EVA1C: variants seen among roughly 807,000 people sequenced by gnomAD.
EVA1C encodes eva-1 homolog C.
Under a neutral mutation model 45.4 loss-of-function variants are expected in EVA1C, and 25 were observed. The observed-to-expected ratio is 0.55, with a 90% CI of 0.40 to 0.77. EVA1C has a LOEUF of 0.77. Ranked by LOEUF, EVA1C falls within the 30% of genes least tolerant of loss-of-function variation. The pLI is 0.00. For synonymous variants in EVA1C, 190 were observed against 221.2 expected, an observed-to-expected ratio of 0.86 and a Z score of 1.25; for missense variants, 479 against 554.8, an observed-to-expected ratio of 0.86 and a Z score of 1.37.
At position 32,474,897 on chromosome 21, in the gene EVA1C, C is replaced by T. The variant is rs901784668; in HGVS notation, c.634+7049C>T. Reference sequence around the variant, plus strand: ...ATTGTGTGAGCCAAACAAAACATGCCTCCAGGGCGCACCTGGGCCACAGGC... The same window carrying T: ...ATTGTGTGAGCCAAACAAAACATGCTTCCAGGGCGCACCTGGGCCACAGGC... On this transcript the variant is annotated intron_variant, in intron 4 of 7. Transcript: ENST00000300255. This position sits in a 1 kb window ranked among gnomAD's most constrained non-coding sequence, Gnocchi z 4.4. 6.6e-6 allele frequency among the ~76,000 whole-genome samples: 1 copy of T among 152,210 alleles called. No homozygotes were observed. Among genetic ancestry groups the T allele is most frequent in the African/African-American group, 2.4e-5 (1 of 41,442 alleles).
chr21:32,431,446 A>C (rs1381973552), intron 1 of EVA1C, among the ~76,000 whole-genome samples: 1 of 152,150 alleles, frequency 6.6e-6, no homozygotes, highest in African/African-American at 2.4e-5. Context: ...ATTATTCTGG[A>C]TTCACACTAG....
At position 32,468,011 on chromosome 21, in the gene EVA1C, T is replaced by C. The variant is rs1163475181; in HGVS notation, c.634+163T>C. On this transcript the variant is annotated intron_variant, in intron 4 of 7. Transcript: ENST00000300255. ...TAAGTTAATACTTAATAAACTCCCGTGTGTGTGTGTATGTATATATATATA... is the reference window on the plus strand; with the variant it reads ...TAAGTTAATACTTAATAAACTCCCGCGTGTGTGTGTATGTATATATATATA... The C allele has an allele frequency of 1.7e-5, 6 of 353,452 alleles. No individual in the cohort carries two copies. In the East Asian group the frequency reaches 2.9e-4, roughly 17 times the overall value. 21.9% of individuals were successfully genotyped at this position (353,452 alleles called of 1,614,324 possible).
chr21:32,447,956 C>T (rs770665998), intron 1 of EVA1C, among the ~76,000 whole-genome samples: 3 of 152,296 alleles, frequency 2.0e-5, no homozygotes, highest in East Asian at 1.9e-4. Flanking sequence ...CCGCCTGCCT[C>T]GGCCTCCCAA....
In EVA1C at chr21:32,495,384, A is replaced by G. The variant is rs2037317250; in HGVS notation, c.778+214A>G. ...TAAGCAATAGAATTTTCTTTGGTCAAAATTTGTGTAAAAGCACCTTTAGCA... is the reference window on the plus strand; with the variant it reads ...TAAGCAATAGAATTTTCTTTGGTCAGAATTTGTGTAAAAGCACCTTTAGCA... On this transcript the variant is annotated intron_variant, in intron 5 of 7. Coordinates refer to ENST00000300255, the MANE Select transcript of EVA1C (RefSeq NM_058187.5). Among the ~76,000 whole-genome samples the G allele has an allele frequency of 6.6e-6, 1 of 152,162 alleles. No individual in the cohort carries two copies. Among genetic ancestry groups the G allele is most frequent in the Non-Finnish European group, 1.5e-5 (1 of 68,034 alleles).
chr21:32,488,006 C>A (rs902358053), intron 4 of EVA1C, among the ~76,000 whole-genome samples: 1 of 152,092 alleles, frequency 6.6e-6, no homozygotes, highest in African/African-American at 2.4e-5. Flanking sequence ...TGGGACTGGG[C>A]CCTTAGCCTG....
At chr21:32,453,777 C>G (rs1280443410) in intron 2 of EVA1C, among the ~76,000 whole-genome samples, 1 of 152,168 alleles carries the variant, frequency 6.6e-6, no homozygotes, top group Non-Finnish European at 1.5e-5. Context: ...TAGGTTTACT[C>G]CTTACTTTAG....
intron 2 of EVA1C, among the ~76,000 whole-genome samples, chr21:32,456,473 G>C (rs757760578): frequency 9.9e-5 from 15 of 152,194 alleles, no homozygotes; most frequent in Non-Finnish European, 2.1e-4. Flanking sequence ...GCAGTCATCT[G>C]AAAGCTGCAC....
intron 4 of EVA1C, among the ~76,000 whole-genome samples, chr21:32,491,958 G>A (rs899155776): frequency 3.9e-5 from 6 of 152,218 alleles, no homozygotes; most frequent in Non-Finnish European, 7.3e-5. Flanking sequence ...CAGTGGTTTG[G>A]TAGTGGCAGG....
rs770516737 is a variant in EVA1C at position 32,495,141 on chromosome 21, A to G, written c.749A>G (p.Lys250Arg). The G allele has an allele frequency of 2.5e-6, 4 of 1,614,020 alleles. No homozygotes were observed. In the African/African-American group the frequency reaches 5.3e-5, roughly 22 times the overall value. The change falls in exon 5 of 8, where the codon AAA becomes AGA. Residue 250 changes from lysine to arginine, a missense_variant. Lys to Arg is a conservative substitution (Grantham distance 26). Transcript: ENST00000300255. ...HFGSPCLPGV[K>R]KYLTVTYACV... ...GGAAGCCCCTGTTTGCCAGGCGTGA[A>G]AAAATACCTCACTGTGACCTACGCA...
chr21:32,417,448 C>T (rs966573503), intron 1 of EVA1C, among the ~76,000 whole-genome samples: 1 of 152,118 alleles, frequency 6.6e-6, no homozygotes, highest in African/African-American at 2.4e-5. Context: ...TCATATTGGA[C>T]TAGACTCCTT....
rs2035878724 is a variant in EVA1C at position 32,458,589 on chromosome 21, C to T, written c.481+869C>T. Among the ~76,000 whole-genome samples, 11 of 150,926 alleles carry T rather than the reference C, an allele frequency of 7.3e-5. No homozygotes were observed. In the Admixed American group the frequency reaches 7.3e-4, roughly 10 times the overall value. The stretch of plus-strand genomic sequence containing the variant: ...TTTCGCCTCCCGGGTTCAGGCAGTT[C>T]TCCTGCCTCAGCTTCCTGAGTAACT... On this transcript the variant is annotated intron_variant, in intron 3 of 7. Coordinates refer to ENST00000300255, the MANE Select transcript of EVA1C (RefSeq NM_058187.5).
At chr21:32,421,144 C>A (rs1024479677) in intron 1 of EVA1C, among the ~76,000 whole-genome samples, 1 of 91,294 alleles carries the variant, frequency 1.1e-5, no homozygotes, top group African/African-American at 5.1e-5. Context: ...TAAGAAAAAT[C>A]TTTTAATGTA....
At chr21:32,497,952 G>C (rs1026651611) in intron 5 of EVA1C, among the ~76,000 whole-genome samples, 1 of 152,106 alleles carries the variant, frequency 6.6e-6, no homozygotes, top group Non-Finnish European at 1.5e-5. Flanking sequence ...CTCCCACCAG[G>C]TCCCTCCCAC....
rs1203153610 is a variant in EVA1C at position 32,498,217 on chromosome 21, C to A, written c.778+3047C>A. Among the ~76,000 whole-genome samples the A allele has an allele frequency of 2.6e-5, 4 of 152,108 alleles. No individual in the cohort carries two copies. The South Asian group carries it at 6.2e-4, about 24-fold the overall frequency. ...ATCCCAGCACTTTGGGAGGCCGAGG[C>A]GGGCGCATCATCTGAGGTCAAGAGT... is the stretch of plus-strand genomic sequence containing the variant. On this transcript the variant is annotated intron_variant, in intron 5 of 7. Transcript: ENST00000300255.
intron 1 of EVA1C, among the ~76,000 whole-genome samples, chr21:32,422,459 A>C (rs1051959466): frequency 6.6e-6 from 1 of 152,192 alleles, no homozygotes. Context: ...ATTTTTAAGG[A>C]TTGATGAAAG....
intron 2 of EVA1C, among the ~76,000 whole-genome samples, chr21:32,456,228 G>T (rs1377731007): frequency 6.6e-6 from 1 of 152,186 alleles, no homozygotes; most frequent in African/African-American, 2.4e-5. Flanking sequence ...CGGAGCACAG[G>T]CAAGGTGCTT....
chr21:32,515,091 C>T lies in EVA1C; in HGVS notation c.1227C>T (p.Leu409=), dbSNP rs148077925. 1.7e-5 allele frequency: 28 copies of T among 1,614,082 alleles called. No individual in the cohort carries two copies. The highest frequency in any genetic ancestry group is 6.7e-5 in the Admixed American group (4 of 60,016). ...ACAGTTCCATAGAAGCTGCAGAGCT[C>T]GCAGAAAGGATTGAGCGCAGGGAGC... The part of the protein sequence containing the change: ...PIYSSIEAAE[L]AERIERREQI... The change falls in exon 8 of 8, where the codon CTC becomes CTT. Residue 409 remains leucine, a synonymous_variant. Coordinates refer to ENST00000300255, the MANE Select transcript of EVA1C (RefSeq NM_058187.5).
chr21:32,461,034 C>T (rs2146279960), intron 3 of EVA1C, among the ~76,000 whole-genome samples: 1 of 152,372 alleles, frequency 6.6e-6, no homozygotes, highest in East Asian at 1.9e-4. Flanking sequence ...GCGTGAACCA[C>T]AGTGCCCAGC....
At chr21:32,451,867 A>G (rs1251507609) in intron 1 of EVA1C, among the ~76,000 whole-genome samples, 1 of 152,212 alleles carries the variant, frequency 6.6e-6, no homozygotes, top group Non-Finnish European at 1.5e-5. Flanking sequence ...AATTCATTAC[A>G]TCTGCAACCA....
Sources: allele counts gnomAD v4.1 joint callset (sites outside exome capture counted in the v4.1 genomes callset), GRCh38; gene constraint gnomAD v4.1.1; non-coding constraint Gnocchi (gnomAD v3.1); transcripts MANE v1.5; gene names NCBI Gene and HGNC (gene_info 2026-07-23, HGNC 2026-07-21).